Variants in GGA1 observed in about 807,000 individuals in gnomAD.
GGA1 encodes the protein ADP-ribosylation factor-binding protein GGA1.
A neutral mutation model predicts 76.9 loss-of-function variants in GGA1; 18 were observed. That is an observed-to-expected ratio of 0.23 (90% confidence interval 0.16 to 0.35). GGA1 has a LOEUF of 0.35. Among genes scored for constraint, GGA1 ranks in the 10% least tolerant of loss-of-function variants. The pLI is 1.00. For synonymous variants in GGA1, 342 were observed against 354.7 expected (o/e 0.96, Z 0.40); for missense variants, 755 against 859.0 (o/e 0.88, Z 1.51).
intron 3 of GGA1, chr22:37,617,735 C>A: frequency 1.2e-6 from 1 of 839,722 alleles, no homozygotes; most frequent in Non-Finnish European, 1.4e-6. Flanking sequence ...TTTGTTTTAA[C>A]ATTTTTTTCT....
rs1237365066 is a variant in GGA1, at chr22:37,629,451, T to C, written c.1094-11T>C. 3 of 1,588,578 alleles carry C rather than the reference T, an allele frequency of 1.9e-6. No homozygotes were observed. The highest frequency in any genetic ancestry group is 2.6e-6 in the Non-Finnish European group (3 of 1,166,686). ...CCCAGCTCCTTCACCTCTCTCCTGC[T>C]TTCCCCTCAGGCCTCAGTGACCCCA... is the stretch of plus-strand genomic sequence containing the variant. On this transcript the variant is annotated splice_polypyrimidine_tract_variant and intron_variant, in intron 11 of 16. Transcript: ENST00000343632.
chr22:37,623,698 C>T lies in GGA1; in HGVS notation c.832+65C>T. ...TCCCTCCACCTCCTGCCCCCACCTC[C>T]CCCAGGCCCTGCTAAGTATCTGCAG... On this transcript the variant is annotated intron_variant, in intron 9 of 16. Transcript: ENST00000343632. This position sits in a 1 kb window ranked among gnomAD's most constrained non-coding sequence, Gnocchi z 4.6. 8.8e-7 allele frequency: 1 copy of T among 1,136,196 alleles called. No homozygotes were observed. The highest frequency in any genetic ancestry group is 1.3e-6 in the Non-Finnish European group (1 of 773,902). 70.4% of individuals were successfully genotyped at this position (1,136,196 alleles called of 1,614,324 possible).
rs1294008682 is a variant in GGA1, at chr22:37,632,077, G to A, written c.1610G>A (p.Arg537His). 13 of 1,613,492 alleles carry A rather than the reference G, an allele frequency of 8.1e-6. No individual in the cohort carries two copies. Among genetic ancestry groups the A allele is most frequent in the South Asian group, 2.2e-5 (2 of 91,078 alleles). ...TTTGCCCGGGACCCACTGCCAGGGCGCTCCGACGTGCTGGTGGTGGTGGTT... is the reference window on the plus strand; with the variant it reads ...TTTGCCCGGGACCCACTGCCAGGGCACTCCGACGTGCTGGTGGTGGTGGTT... ...FHFARDPLPG[R>H]SDVLVVVVSM... Residue 537 changes from arginine (R) to histidine (H), a missense_variant, in exon 15 of 17, where the codon CGC becomes CAC. Coordinates refer to ENST00000343632, the MANE Select transcript of GGA1 (RefSeq NM_013365.5). The surrounding 1 kb of genome is among the most constrained non-coding windows in gnomAD (Gnocchi z 5.1).
chr22:37,609,918 CA>C (rs1285757707), intron 1 of GGA1, among the ~76,000 whole-genome samples: 10 of 152,170 alleles, frequency 6.6e-5, no homozygotes, highest in Admixed American at 3.9e-4. Flanking sequence ...CAGGCTTGAG[CA>C]GAGTTGAACC....
chr22:37,629,551 T>C (rs754913869), intron 12 of GGA1, 25 bp downstream of exon 12: 1 of 1,447,792 alleles, frequency 6.9e-7, no homozygotes. Flanking sequence ...CAAACTAGTC[T>C]GGCCTGTCCC....
chr22:37,608,857 G>A lies in GGA1; in HGVS notation c.-4G>A. 1 of 1,307,860 alleles carries A rather than the reference G, an allele frequency of 7.6e-7. No individual in the cohort carries two copies. Among genetic ancestry groups the A allele is most frequent in the Non-Finnish European group, 9.7e-7 (1 of 1,029,594 alleles). The allele number at this position is 1,307,860 out of a possible 1,614,324, so 81.0% of individuals were successfully genotyped here. The stretch of plus-strand genomic sequence containing the variant: ...GCGGTGCCGAGGCTGGGGGCCGGTG[G>A]CGGATGGAGCCCGCGATGGAGCCGG... On this transcript the variant is annotated 5_prime_UTR_variant, in exon 1 of 17. Coordinates refer to ENST00000343632, the MANE Select transcript of GGA1 (RefSeq NM_013365.5).
Position 37,630,147 on chromosome 22 carries a change from C to G in GGA1, c.1308C>G (p.Pro436=). ...AGACCCTCCTGCAGCAGTCGCTGCC[C>G]CCGGAATCCCAGCAAGTGCGGTGGT... ...LGKTLLQQSL[P]PESQQVRWEK... is the part of the protein sequence containing the mutation. The change falls in exon 13 of 17, where the codon CCC becomes CCG. Residue 436 remains proline (P), a synonymous_variant. Transcript: ENST00000343632. The G allele has an allele frequency of 6.3e-7, 1 of 1,592,674 alleles. No individual in the cohort carries two copies. The highest frequency in any genetic ancestry group is 8.5e-7 in the Non-Finnish European group (1 of 1,170,952).
intron 7 of GGA1, among the ~76,000 whole-genome samples, chr22:37,622,431 A>G (rs1394921613): frequency 1.4e-5 from 2 of 144,010 alleles, no homozygotes; most frequent in African/African-American, 5.2e-5. Flanking sequence ...GCCTGCTGAA[A>G]CTTTTTTTTT....
chr22:37,614,256 TCAA>T lies in GGA1; in HGVS notation c.112_114del (p.Asn38del). Reference sequence around the variant, plus strand: ...AGCATCAACGGCTTCTGCGAGCAGCTCAACGAGGACTTTGAGGGGTAGGTGGCC... The same window carrying T: ...AGCATCAACGGCTTCTGCGAGCAGCTCGAGGACTTTGAGGGGTAGGTGGCC... On this transcript the variant is annotated inframe_deletion, in exon 2 of 17. Coordinates refer to ENST00000343632, the MANE Select transcript of GGA1 (RefSeq NM_013365.5). 1.9e-6 allele frequency: 3 copies of T among 1,613,460 alleles called. No individual in the cohort carries two copies. Among genetic ancestry groups the T allele is most frequent in the Middle Eastern group, 1.7e-4 (1 of 6,060 alleles).
intron 2 of GGA1, among the ~76,000 whole-genome samples, chr22:37,615,431 G>A (rs573096709): frequency 4.6e-5 from 7 of 151,520 alleles, no homozygotes; most frequent in South Asian, 2.1e-4. Flanking sequence ...CCTGGGCGAC[G>A]GAGTGAAACT....
chr22:37,625,166 G>A lies in GGA1; in HGVS notation c.940+90G>A, dbSNP rs1930588947. On this transcript the variant is annotated intron_variant, in intron 10 of 16. Coordinates refer to ENST00000343632, the MANE Select transcript of GGA1 (RefSeq NM_013365.5). The surrounding 1 kb of genome is among the most constrained non-coding windows in gnomAD (Gnocchi z 4.1). Reference sequence around the variant, plus strand: ...GTGGTGTGCTGGTCTCAGAGCGGCTGGAATGACTGCCAGGGTGACCCTGGC... The same window carrying A: ...GTGGTGTGCTGGTCTCAGAGCGGCTAGAATGACTGCCAGGGTGACCCTGGC... 5.9e-6 allele frequency: 7 copies of A among 1,192,516 alleles called. No individual in the cohort carries two copies. The highest frequency in any genetic ancestry group is 4.0e-5 in the South Asian group (3 of 74,874). 73.9% of individuals were successfully genotyped at this position (1,192,516 alleles called of 1,614,324 possible). A position where few individuals can be genotyped will look rare whatever the true frequency, so the allele number is the denominator to read the frequency against.
At chr22:37,617,029 C>G in intron 3 of GGA1, 32 bp downstream of exon 3, 1 of 1,574,746 alleles carries the variant, frequency 6.4e-7, no homozygotes, top group Non-Finnish European at 8.6e-7. Flanking sequence ...ATCCGTCCCC[C>G]GCCATGTGAC....
chr22:37,617,194 C>T, intron 3 of GGA1, 197 bp downstream of exon 3: 1 of 1,433,972 alleles, frequency 7.0e-7, no homozygotes, highest in Non-Finnish European at 9.1e-7. Context: ...AGCATCCATA[C>T]ACGTAGGCCT....
intron 14 of GGA1, 107 bp from the exon 15 acceptor site, chr22:37,631,889 G>A (rs1931859265): frequency 1.1e-6 from 1 of 913,970 alleles, no homozygotes; most frequent in Non-Finnish European, 1.7e-6. Context: ...CTTTGCTCTT[G>A]TTGCCAGTAC....
rs190629214 is a variant in GGA1, at chr22:37,619,366, A to G, written c.303+820A>G. ...AGGCGTGAGCCACCATGCCCGGCCT[A>G]CCTACCGTGAACATTTTTTTTTTTT... On this transcript the variant is annotated intron_variant, in intron 4 of 16. Transcript: ENST00000343632. Among the ~76,000 whole-genome samples, 128 of 145,724 alleles carry G rather than the reference A, an allele frequency of 8.8e-4. 2 individuals are homozygous for G. Among genetic ancestry groups the G allele is most frequent in the Middle Eastern group, 3.8e-3 (1 of 260 alleles).
At position 37,632,250 on chromosome 22, in the gene GGA1, G is replaced by T; in HGVS notation, c.1698+85G>T. On this transcript the variant is annotated intron_variant, in intron 15 of 16. Transcript: ENST00000343632. This position sits in a 1 kb window ranked among gnomAD's most constrained non-coding sequence, Gnocchi z 5.1. ...TGGGTGGGGAGCCACCTGTCAGGGGGCAGGTCTCCCTCCCTTGCTGGGTGG... is the reference window on the plus strand; with the variant it reads ...TGGGTGGGGAGCCACCTGTCAGGGGTCAGGTCTCCCTCCCTTGCTGGGTGG... The T allele has an allele frequency of 7.1e-7, 1 of 1,408,464 alleles. No homozygotes were observed. The allele number at this position is 1,408,464 out of a possible 1,614,324, so 87.2% of individuals were successfully genotyped here.
intron 3 of GGA1, 154 bp from the exon 4 acceptor site, chr22:37,618,294 G>A (rs960944630): frequency 1.2e-4 from 74 of 603,626 alleles, no homozygotes; most frequent in South Asian, 7.6e-4. Flanking sequence ...CAGTCCCAGA[G>A]GCCTGTGTGA....
intron 1 of GGA1, chr22:37,613,274 G>C (rs541224933): frequency 1.7e-6 from 1 of 577,802 alleles, no homozygotes; most frequent in South Asian, 7.5e-5. Flanking sequence ...ACAGCCATGC[G>C]TGGGTCAGAG....
In GGA1 at chr22:37,624,907, C is replaced by T; in HGVS notation, c.833-62C>T. Reference sequence around the variant, plus strand: ...CTGTGATGGATGTGGGGTCCTCGTCCCCTGCCGCCCAGAGGCCCCCACAGT... The same window carrying T: ...CTGTGATGGATGTGGGGTCCTCGTCTCCTGCCGCCCAGAGGCCCCCACAGT... On this transcript the variant is annotated intron_variant, in intron 9 of 16. Transcript: ENST00000343632. This position sits in a 1 kb window ranked among gnomAD's most constrained non-coding sequence, Gnocchi z 4.3. 6.5e-7 allele frequency: 1 copy of T among 1,532,456 alleles called. No individual in the cohort carries two copies. The highest frequency in any genetic ancestry group is 1.2e-5 in the South Asian group (1 of 83,262). The allele number at this position is 1,532,456 out of a possible 1,614,324, so 94.9% of individuals were successfully genotyped here.
Sources: allele counts gnomAD v4.1 joint callset (sites outside exome capture counted in the v4.1 genomes callset), GRCh38; gene constraint gnomAD v4.1.1; non-coding constraint Gnocchi (gnomAD v3.1); transcripts MANE v1.5; gene names NCBI Gene and HGNC (gene_info 2026-07-23, HGNC 2026-07-21).